The following NAV3 variants were observed in gnomAD, a reference collection of about 807,000 sequenced individuals.
NAV3 encodes neuron navigator 3.
Under a neutral mutation model 244.7 loss-of-function variants are expected in NAV3, and 87 were observed. That is an observed-to-expected ratio of 0.36 (90% CI 0.30 to 0.42). The LOEUF (loss-of-function observed/expected upper bound fraction) is 0.42, where lower values mean the gene tolerates loss of function less well. NAV3 is among the 20% of genes least tolerant of loss of function. The pLI is 1.00. For synonymous variants in NAV3, 1,126 were observed against 1,042.2 expected (o/e 1.08, Z -1.55); for missense variants, 2,663 against 2,893.3 (o/e 0.92, Z 1.83).
intron 2 of NAV3, among the ~76,000 whole-genome samples, chr12:77,658,398 C>T: frequency 6.7e-6 from 1 of 149,972 alleles, no homozygotes; most frequent in Non-Finnish European, 1.5e-5. Context: ...ATCCACCTTA[C>T]AAGGGACGTG....
At chr12:77,718,840 G>T (rs2137284218) in intron 2 of NAV3, among the ~76,000 whole-genome samples, 1 of 151,978 alleles carries the variant, frequency 6.6e-6, no homozygotes, top group East Asian at 1.9e-4. Context: ...ATTTTTAGTA[G>T]AGATAGGGTT....
chr12:77,994,266 G>C (rs1351378911), intron 5 of NAV3, among the ~76,000 whole-genome samples: 2 of 152,180 alleles, frequency 1.3e-5, no homozygotes, highest in Non-Finnish European at 2.9e-5. Context: ...AAACAATTTA[G>C]TACTAGAGAT....
At chr12:78,165,968 CAAAA>C (rs5799376) in intron 23 of NAV3, among the ~76,000 whole-genome samples, 1 of 144,296 alleles carries the variant, frequency 6.9e-6, no homozygotes, top group Admixed American at 6.9e-5. Context: ...CACCCTCCTG[CAAAA>C]AAAAAAAATA....
At chr12:77,894,725 AG>A (rs2136808423) in intron 1 of NAV3, among the ~76,000 whole-genome samples, 1 of 152,336 alleles carries the variant, frequency 6.6e-6, no homozygotes, top group Non-Finnish European at 1.5e-5. Flanking sequence ...AGAATGTGGT[AG>A]GGAGAGTTGG....
At chr12:77,929,764 C>T (rs1888590320) in intron 1 of NAV3, among the ~76,000 whole-genome samples, 1 of 149,502 alleles carries the variant, frequency 6.7e-6, no homozygotes, top group South Asian at 2.1e-4. Context: ...TCCCAAGTAG[C>T]TGAGATTACA....
intron 1 of NAV3, among the ~76,000 whole-genome samples, chr12:77,877,289 A>C (rs957124331): frequency 6.6e-6 from 1 of 152,098 alleles, no homozygotes; most frequent in Non-Finnish European, 1.5e-5. Flanking sequence ...TTTTATTATT[A>C]AAATAATAGA....
chr12:78,159,188 C>A lies in NAV3; in HGVS notation c.4786-15C>A. ...TTCTGACATTTAAACTATGTTTCTT[C>A]CATTCTGTTCACAGGCTCACCTTGT... On this transcript the variant is annotated splice_polypyrimidine_tract_variant and intron_variant, in intron 22 of 39. Transcript: ENST00000397909. 6.2e-7 allele frequency: 1 copy of A among 1,607,144 alleles called. No individual in the cohort carries two copies. Among genetic ancestry groups the A allele is most frequent in the Non-Finnish European group, 8.5e-7 (1 of 1,176,590 alleles).
intron 2 of NAV3, among the ~76,000 whole-genome samples, chr12:77,698,265 T>C (rs1419639505): frequency 2.0e-5 from 3 of 152,188 alleles, no homozygotes; most frequent in Non-Finnish European, 4.4e-5. Context: ...CTAGCTTTTT[T>C]GGCTTTGGGA....
At chr12:77,763,944 A>G (rs925695146) in intron 2 of NAV3, among the ~76,000 whole-genome samples, 3 of 152,162 alleles carry the variant, frequency 2.0e-5, no homozygotes, top group Non-Finnish European at 2.9e-5. Context: ...CAAGTAAGGC[A>G]CTCAAAGCAT....
At chr12:77,721,267 T>C (rs1194010726) in intron 2 of NAV3, among the ~76,000 whole-genome samples, 1 of 152,146 alleles carries the variant, frequency 6.6e-6, no homozygotes, top group African/African-American at 2.4e-5. Context: ...TTATATATAA[T>C]AACTACAGGA....
intron 12 of NAV3, among the ~76,000 whole-genome samples, chr12:78,070,600 G>C (rs1427878352): frequency 2.0e-5 from 3 of 151,594 alleles, no homozygotes; most frequent in Non-Finnish European, 2.9e-5. Flanking sequence ...TGTGCACATT[G>C]TGCAGGTTAG....
chr12:77,949,841 C>G lies in NAV3; in HGVS notation c.414+8708C>G, dbSNP rs1212981052. Among the ~76,000 whole-genome samples, 5 of 152,044 alleles carry G rather than the reference C, an allele frequency of 3.3e-5. No homozygotes were observed. In the East Asian group the frequency reaches 9.6e-4, roughly 29 times the overall value. On this transcript the variant is annotated intron_variant, in intron 3 of 39. Coordinates refer to ENST00000397909, the MANE Select transcript of NAV3 (RefSeq NM_001024383.2). ...CTACACATCCTCTGTGCTCCAACCCCTGGGAACCAGTGATTGTTTTACTGT... is the reference window on the plus strand; with the variant it reads ...CTACACATCCTCTGTGCTCCAACCCGTGGGAACCAGTGATTGTTTTACTGT...
At chr12:77,873,744 G>GTATATATATATA (rs556787799) in intron 1 of NAV3, among the ~76,000 whole-genome samples, 69 of 73,150 alleles carry the variant, frequency 9.4e-4, no homozygotes, top group Non-Finnish European at 1.2e-3. Flanking sequence ...ATGTGTGTGT[G>GTATATATATATA]TATATATATA....
intron 2 of NAV3, among the ~76,000 whole-genome samples, chr12:77,781,292 C>G (rs771043119): frequency 2.6e-5 from 4 of 151,988 alleles, no homozygotes; most frequent in Non-Finnish European, 5.9e-5. Flanking sequence ...CTCTTTTTAC[C>G]CTCCTCCCTT....
chr12:77,861,280 A>C (rs1879225451), intron 1 of NAV3, among the ~76,000 whole-genome samples: 2 of 151,542 alleles, frequency 1.3e-5, no homozygotes, highest in African/African-American at 2.4e-5. Context: ...CATCTACATG[A>C]CCCTCTCTTG....
At chr12:78,198,174 C>T (rs192962168) in intron 35 of NAV3, among the ~76,000 whole-genome samples, 18 of 151,710 alleles carry the variant, frequency 1.2e-4, no homozygotes, top group South Asian at 4.2e-4. Context: ...AAGTTACAAA[C>T]GATCAGCATA....
intron 2 of NAV3, among the ~76,000 whole-genome samples, chr12:77,732,240 GAGA>G (rs2137348135): frequency 6.6e-6 from 1 of 152,046 alleles, no homozygotes; most frequent in East Asian, 1.9e-4. Context: ...AGAGTTTTCA[GAGA>G]AGATCATGGT....
At chr12:77,791,011 G>T (rs1490925685) in intron 2 of NAV3, among the ~76,000 whole-genome samples, 1 of 152,112 alleles carries the variant, frequency 6.6e-6, no homozygotes, top group Non-Finnish European at 1.5e-5. Flanking sequence ...AACAAAGCAG[G>T]AAGCTTGATC....
chr12:78,176,894 C>A (rs1224372770), intron 26 of NAV3, among the ~76,000 whole-genome samples: 3 of 152,076 alleles, frequency 2.0e-5, no homozygotes, highest in South Asian at 2.1e-4. Context: ...GACAGCCATG[C>A]CCTTGACCTT....
Sources: allele counts gnomAD v4.1 joint callset (sites outside exome capture counted in the v4.1 genomes callset), GRCh38; gene constraint gnomAD v4.1.1; transcripts MANE v1.5; gene names NCBI Gene and HGNC (gene_info 2026-07-23, HGNC 2026-07-21).